The following C12orf56 variants were observed in gnomAD, a reference collection of about 807,000 sequenced individuals.
C12orf56 encodes the protein chromosome 12 open reading frame 56, also known as uncharacterized protein C12orf56.
A neutral mutation model predicts 69.9 loss-of-function variants in C12orf56; 71 were observed. The ratio of observed to expected loss-of-function variants is 1.02; its 90% CI spans 0.84 to 1.24. The LOEUF (loss-of-function observed/expected upper bound fraction) is 1.24, where lower values mean the gene tolerates loss of function less well. Ranked by LOEUF, C12orf56 falls within the 50% of genes most tolerant of loss-of-function variation. The pLI, the probability that C12orf56 is intolerant of heterozygous loss-of-function variation, is 0.00. For missense variants in C12orf56, 732 were observed against 738.5 expected, an observed-to-expected ratio of 0.99 and a Z score of 0.10; for synonymous variants, 276 against 274.1, an observed-to-expected ratio of 1.01 and a Z score of -0.07.
At chr12:64,345,299 C>G (rs1464287767) in intron 2 of C12orf56, among the ~76,000 whole-genome samples, 1 of 139,636 alleles carries the variant, frequency 7.2e-6, no homozygotes, top group African/African-American at 2.6e-5. Flanking sequence ...GAGGCCATCA[C>G]TGTTGCCTCA....
intron 1 of C12orf56, among the ~76,000 whole-genome samples, chr12:64,374,005 A>AC: frequency 6.6e-6 from 1 of 152,100 alleles, no homozygotes; most frequent in South Asian, 2.1e-4. Flanking sequence ...ATAATTAAAA[A>AC]CCTCATTGCC....
intron 1 of C12orf56, among the ~76,000 whole-genome samples, chr12:64,375,151 A>C (rs1189124993): frequency 6.6e-6 from 1 of 151,870 alleles, no homozygotes; most frequent in Non-Finnish European, 1.5e-5. Context: ...TCCGCCTCCC[A>C]GGTTCAAGCA....
chr12:64,284,327 G>C (rs2038171193), intron 8 of C12orf56, among the ~76,000 whole-genome samples: 1 of 152,174 alleles, frequency 6.6e-6, no homozygotes, highest in Non-Finnish European at 1.5e-5. Flanking sequence ...TTTCTGTTGT[G>C]TGGATATAAG....
intron 3 of C12orf56, among the ~76,000 whole-genome samples, chr12:64,328,973 G>T (rs902636771): frequency 6.6e-6 from 1 of 151,046 alleles, no homozygotes; most frequent in Non-Finnish European, 1.5e-5. Context: ...GCTGAAGCAG[G>T]AAAGTCGCTT....
intron 3 of C12orf56, among the ~76,000 whole-genome samples, chr12:64,330,177 T>C (rs1248929647): frequency 6.6e-6 from 1 of 152,188 alleles, no homozygotes; most frequent in African/African-American, 2.4e-5. Context: ...CCACATCCTC[T>C]CCAGCACCTG....
At chr12:64,343,388 C>A (rs2039099862) in intron 2 of C12orf56, among the ~76,000 whole-genome samples, 1 of 152,184 alleles carries the variant, frequency 6.6e-6, no homozygotes, top group Non-Finnish European at 1.5e-5. Flanking sequence ...CGATCAAGGT[C>A]TCTCTGAATA....
chr12:64,340,579 A>T (rs974553858), intron 2 of C12orf56, among the ~76,000 whole-genome samples: 3 of 152,234 alleles, frequency 2.0e-5, no homozygotes, highest in African/African-American at 7.2e-5. Flanking sequence ...TAAAGTTAAC[A>T]ATATTTAAAT....
At chr12:64,383,306 CA>C (rs138264809) in intron 1 of C12orf56, among the ~76,000 whole-genome samples, 76,141 of 138,020 alleles carry the variant, frequency 0.55, 21,917 homozygotes, top group Non-Finnish European at 0.68. Flanking sequence ...AACAAAGTCT[CA>C]AAAAAAAAAA....
intron 11 of C12orf56, among the ~76,000 whole-genome samples, chr12:64,271,258 G>T (rs186086102): frequency 6.6e-6 from 1 of 151,968 alleles, no homozygotes; most frequent in East Asian, 1.9e-4. Context: ...TTGAGGCAGG[G>T]AGTTCTAGAC....
rs2136879961 is a variant in C12orf56, at chr12:64,338,754, GC to G, written c.416-7723del. On this transcript the variant is annotated intron_variant, in intron 2 of 12. Coordinates refer to ENST00000543942, the MANE Select transcript of C12orf56 (RefSeq NM_001170633.2). ...TCTTGTTCAATGAAAGCCATCATATGCTTTATCTGCTTTTGCATGTCAGCAT... is the reference window on the plus strand; with the variant it reads ...TCTTGTTCAATGAAAGCCATCATATGTTTATCTGCTTTTGCATGTCAGCAT... The G allele has an allele frequency of 2.1e-6, 3 of 1,441,872 alleles. No homozygotes were observed. In the East Asian group the frequency reaches 6.9e-5, roughly 33 times the overall value. 89.3% of individuals were successfully genotyped at this position (1,441,872 alleles called of 1,614,324 possible). A position where few individuals can be genotyped will look rare whatever the true frequency, so the allele number is the denominator to read the frequency against.
Position 64,270,720 on chromosome 12 carries a change from C to G in C12orf56, c.1585-6G>C. 2 of 1,597,442 alleles carry G rather than the reference C, an allele frequency of 1.3e-6. No homozygotes were observed. The highest frequency in any genetic ancestry group is 1.7e-6 in the Non-Finnish European group (2 of 1,174,012). ...ATACTGGCCACAAAAGTAATCTAGA[C>G]AAGGAAAATACAGTTACATGTAGGC... On this transcript the variant is annotated splice_polypyrimidine_tract_variant and splice_region_variant and intron_variant, in intron 11 of 12. Transcript: ENST00000543942.
chr12:64,356,727 T>C (rs2039322951), intron 1 of C12orf56, among the ~76,000 whole-genome samples: 1 of 152,166 alleles, frequency 6.6e-6, no homozygotes, highest in Non-Finnish European at 1.5e-5. Context: ...AGTTGTTTAC[T>C]GAAACTAGAG....
chr12:64,283,073 C>T (rs779935618), intron 8 of C12orf56, among the ~76,000 whole-genome samples: 17 of 151,030 alleles, frequency 1.1e-4, no homozygotes, highest in Non-Finnish European at 2.4e-4. Flanking sequence ...ACCTGGGAGG[C>T]AGAGATTGCC....
At chr12:64,312,806 T>C in intron 4 of C12orf56, 54 bp from the exon 5 acceptor site, 1 of 1,257,180 alleles carries the variant, frequency 8.0e-7, no homozygotes, top group Non-Finnish European at 1.1e-6. Context: ...GAAGATCAAT[T>C]CCCCCTACCT....
intron 2 of C12orf56, among the ~76,000 whole-genome samples, chr12:64,333,505 AT>A (rs1361612134): frequency 6.8e-6 from 1 of 147,460 alleles, no homozygotes; most frequent in African/African-American, 2.6e-5. Flanking sequence ...ATTTTTATTT[AT>A]TTTTTTATTT....
intron 1 of C12orf56, among the ~76,000 whole-genome samples, chr12:64,363,906 CATG>C (rs1565775745): frequency 1.3e-5 from 2 of 152,080 alleles, no homozygotes; most frequent in African/African-American, 4.8e-5. Flanking sequence ...CAAAGTGTAA[CATG>C]ATGATTTCCT....
At position 64,385,571 on chromosome 12, in the gene C12orf56, A is replaced by G. The variant is rs1283044411; in HGVS notation, c.252+4743T>C. Among the ~76,000 whole-genome samples the G allele has an allele frequency of 2.0e-5, 3 of 152,156 alleles. No individual in the cohort carries two copies. In the East Asian group the frequency reaches 5.8e-4, roughly 29 times the overall value. ...TATTTTGCAGATCCTGAACCTGATG[A>G]ATCAGCTGGCACCACCCAGATCGAT... On this transcript the variant is annotated intron_variant, in intron 1 of 12. Transcript: ENST00000543942.
chr12:64,306,609 TC>T (rs772360332), intron 5 of C12orf56, among the ~76,000 whole-genome samples: 47 of 152,206 alleles, frequency 3.1e-4, no homozygotes, highest in Admixed American at 9.8e-4. Context: ...CCTCAAGTAA[TC>T]CGCCCACCTC....
intron 1 of C12orf56, among the ~76,000 whole-genome samples, chr12:64,361,739 T>TC (rs1407323535): frequency 6.7e-6 from 1 of 149,630 alleles, no homozygotes; most frequent in East Asian, 1.9e-4. Flanking sequence ...TTCCTTTACT[T>TC]TTTTTTTTTT....
Sources: allele counts gnomAD v4.1 joint callset (sites outside exome capture counted in the v4.1 genomes callset), GRCh38; gene constraint gnomAD v4.1.1; transcripts MANE v1.5; gene names NCBI Gene and HGNC (gene_info 2026-07-23, HGNC 2026-07-21).